The following XKR6 variants were observed in gnomAD, a reference collection of about 807,000 sequenced individuals.
XKR6 encodes XK related 6, also known as XK-related protein 6.
A neutral mutation model predicts 56.7 loss-of-function variants in XKR6; 22 were observed. That is an observed-to-expected ratio of 0.39 (90% CI 0.28 to 0.55). The LOEUF is 0.55. Ranked by LOEUF, XKR6 falls within the 20% of genes least tolerant of loss-of-function variation. XKR6 has a pLI of 0.66. For synonymous variants in XKR6, 524 were observed against 387.8 expected (o/e 1.35, Z -4.13); for missense variants, 852 against 889.0 (o/e 0.96, Z 0.53).
chr8:11,197,412 C>CA (rs1762800340), intron 1 of XKR6, among the ~76,000 whole-genome samples: 1 of 152,158 alleles, frequency 6.6e-6, no homozygotes, highest in African/African-American at 2.4e-5. Flanking sequence ...ATGCAACAGG[C>CA]AAACTAAATC....
chr8:11,132,781 A>ACACACACACACG (rs1397841043), intron 1 of XKR6, among the ~76,000 whole-genome samples: 1 of 144,836 alleles, frequency 6.9e-6, no homozygotes, highest in African/African-American at 2.7e-5. Flanking sequence ...ACACACACAC[A>ACACACACACACG]CACACGCACA....
At chr8:11,083,777 G>A (rs1371000217) in intron 1 of XKR6, among the ~76,000 whole-genome samples, 1 of 152,182 alleles carries the variant, frequency 6.6e-6, no homozygotes, top group Non-Finnish European at 1.5e-5. Flanking sequence ...ACTGTCAAAA[G>A]CACACCACCA....
At chr8:10,987,590 C>A (rs901696363) in intron 1 of XKR6, among the ~76,000 whole-genome samples, 1 of 152,204 alleles carries the variant, frequency 6.6e-6, no homozygotes, top group Admixed American at 6.5e-5. Flanking sequence ...GGCTTCCATT[C>A]CTCCCCACAT....
At chr8:11,141,682 C>T (rs746066146) in intron 1 of XKR6, among the ~76,000 whole-genome samples, 6 of 152,090 alleles carry the variant, frequency 3.9e-5, no homozygotes, top group Non-Finnish European at 8.8e-5. Flanking sequence ...TATGAGTGAT[C>T]GTGTGCCCAG....
intron 1 of XKR6, among the ~76,000 whole-genome samples, chr8:11,018,437 G>T (rs956490133): frequency 6.6e-6 from 1 of 152,160 alleles, no homozygotes; most frequent in Admixed American, 6.5e-5. Context: ...AGAGAGGGAG[G>T]CCAGATGACA....
chr8:10,977,565 G>A (rs1802602987), intron 1 of XKR6, among the ~76,000 whole-genome samples: 1 of 150,444 alleles, frequency 6.6e-6, no homozygotes, highest in South Asian at 2.2e-4. Flanking sequence ...ATTAGCATGA[G>A]CCATCTTCAA....
intron 1 of XKR6, among the ~76,000 whole-genome samples, chr8:11,093,794 G>C (rs535430194): frequency 2.6e-5 from 4 of 151,382 alleles, no homozygotes; most frequent in African/African-American, 9.7e-5. Context: ...TTTTTTGTTT[G>C]TTTTTTTGAG....
At chr8:11,166,394 C>G (rs1404200192) in intron 1 of XKR6, among the ~76,000 whole-genome samples, 2 of 151,996 alleles carry the variant, frequency 1.3e-5, no homozygotes, top group Non-Finnish European at 2.9e-5. Context: ...CAGCTAAATT[C>G]ATGCATTAAA....
intron 1 of XKR6, among the ~76,000 whole-genome samples, chr8:11,082,821 C>T (rs1797767802): frequency 6.6e-6 from 1 of 152,242 alleles, no homozygotes. Context: ...GATGTTAAAG[C>T]TCTGACGTCT....
intron 1 of XKR6, among the ~76,000 whole-genome samples, chr8:11,064,666 C>T (rs1799931551): frequency 6.6e-6 from 1 of 152,148 alleles, no homozygotes; most frequent in African/African-American, 2.4e-5. Flanking sequence ...ATTCTCTTTT[C>T]CCTCCAGGCA....
chr8:11,039,226 T>C (rs1212646623), intron 1 of XKR6, among the ~76,000 whole-genome samples: 1 of 152,036 alleles, frequency 6.6e-6, no homozygotes, highest in African/African-American at 2.4e-5. Context: ...AGTCATAAAA[T>C]CCACTCCAGA....
chr8:10,965,713 C>T (rs1802201516), intron 1 of XKR6, among the ~76,000 whole-genome samples: 1 of 152,246 alleles, frequency 6.6e-6, no homozygotes, highest in Non-Finnish European at 1.5e-5. Context: ...ACCGGGGCAA[C>T]AGACGGCTGT....
chr8:11,004,294 A>C (rs1444609617), intron 1 of XKR6, among the ~76,000 whole-genome samples: 3 of 152,170 alleles, frequency 2.0e-5, no homozygotes, highest in African/African-American at 7.2e-5. Flanking sequence ...AAACATGGTG[A>C]AACCTCATCT....
intron 2 of XKR6, among the ~76,000 whole-genome samples, chr8:10,905,746 C>T (rs1254964383): frequency 6.6e-6 from 1 of 152,074 alleles, no homozygotes; most frequent in Non-Finnish European, 1.5e-5. Context: ...TGTATTTTTC[C>T]CACAATGAGT....
intron 1 of XKR6, among the ~76,000 whole-genome samples, chr8:11,148,404 C>T (rs1009581320): frequency 6.6e-6 from 1 of 152,122 alleles, no homozygotes; most frequent in East Asian, 1.9e-4. Flanking sequence ...GAAGAGGGGC[C>T]TCAGAGGAAA....
intron 1 of XKR6, among the ~76,000 whole-genome samples, chr8:11,158,453 C>T (rs1040020003): frequency 1.3e-5 from 2 of 152,190 alleles, no homozygotes; most frequent in East Asian, 1.9e-4. Flanking sequence ...GGCAAGAAAT[C>T]AGACAACCGG....
At chr8:11,017,514 T>C (rs1465484766) in intron 1 of XKR6, among the ~76,000 whole-genome samples, 1 of 152,224 alleles carries the variant, frequency 6.6e-6, no homozygotes, top group Non-Finnish European at 1.5e-5. Flanking sequence ...ACACGACATT[T>C]GTTCATTCTT....
chr8:10,964,445 C>T (rs1312022364), intron 1 of XKR6, among the ~76,000 whole-genome samples: 3 of 152,166 alleles, frequency 2.0e-5, no homozygotes, highest in Non-Finnish European at 4.4e-5. Context: ...GGCAGGAACC[C>T]AGATTTCCCA....
intron 1 of XKR6, among the ~76,000 whole-genome samples, chr8:11,069,383 C>A (rs1219753878): frequency 6.6e-6 from 1 of 152,136 alleles, no homozygotes; most frequent in Non-Finnish European, 1.5e-5. Context: ...CCGGTCTCCC[C>A]TGACTCCACC....
Sources: allele counts gnomAD v4.1 joint callset (sites outside exome capture counted in the v4.1 genomes callset), GRCh38; gene constraint gnomAD v4.1.1; transcripts MANE v1.5; gene names NCBI Gene and HGNC (gene_info 2026-07-23, HGNC 2026-07-21).